AGBL1: variants seen among roughly 807,000 people sequenced by gnomAD.
AGBL1 encodes the protein cytosolic carboxypeptidase 4.
Under a neutral mutation model 118.9 loss-of-function variants are expected in AGBL1, and 130 were observed. The ratio of observed to expected loss-of-function variants is 1.09; its 90% CI spans 0.95 to 1.26. The LOEUF is 1.26. AGBL1 is among the 50% of genes most tolerant of loss of function. The pLI, the probability that AGBL1 is intolerant of heterozygous loss-of-function variation, is 0.00. For missense variants in AGBL1, 1,584 were observed against 1,298.1 expected (o/e 1.22, Z -3.38); for synonymous variants, 555 against 478.9 (o/e 1.16, Z -2.08).
rs377299738 is a variant in AGBL1, at chr15:86,986,344, C to T, written c.3222-1643C>T. Among the ~76,000 whole-genome samples the T allele has an allele frequency of 7.2e-5, 11 of 152,244 alleles. 1 individual carries two copies. The highest frequency in any genetic ancestry group is 2.6e-4 in the African/African-American group (11 of 41,538). ...CATGTGGGTATTTATTTCTGGACTC[C>T]TAGCTTGTTACAACTATATACATAT... On this transcript the variant is annotated intron_variant, in intron 23 of 24. Transcript: ENST00000441037.
intron 22 of AGBL1, among the ~76,000 whole-genome samples, chr15:86,784,414 C>A (rs930626840): frequency 1.3e-5 from 2 of 152,122 alleles, no homozygotes; most frequent in Admixed American, 6.5e-5. Flanking sequence ...AGAGCATATT[C>A]TCTGCCCCAC....
intron 22 of AGBL1, among the ~76,000 whole-genome samples, chr15:86,686,129 C>A (rs901701169): frequency 6.6e-6 from 1 of 152,330 alleles, no homozygotes; most frequent in East Asian, 1.9e-4. Context: ...CTCCTCCCCA[C>A]TCTCAGCAAA....
At chr15:86,585,007 A>G (rs1399657379) in intron 21 of AGBL1, among the ~76,000 whole-genome samples, 1 of 152,178 alleles carries the variant, frequency 6.6e-6, no homozygotes, top group Non-Finnish European at 1.5e-5. Flanking sequence ...TTGTATAGAA[A>G]TGCTACTGAT....
intron 17 of AGBL1, chr15:86,304,871 G>A (rs1284117670): frequency 1.3e-5 from 2 of 152,138 alleles, no homozygotes; most frequent in African/African-American, 4.8e-5. Flanking sequence ...TAAAGGTAGG[G>A]GAATAGCCCT....
At chr15:86,338,575 G>A (rs935038574) in intron 17 of AGBL1, among the ~76,000 whole-genome samples, 2 of 152,182 alleles carry the variant, frequency 1.3e-5, no homozygotes, top group Non-Finnish European at 2.9e-5. Flanking sequence ...AAGCATAGTG[G>A]TAACTTTGAA....
At chr15:86,112,132 A>C (rs1897427740) in intron 1 of AGBL1, among the ~76,000 whole-genome samples, 1 of 151,910 alleles carries the variant, frequency 6.6e-6, no homozygotes, top group African/African-American at 2.4e-5. Context: ...ATATTATAAT[A>C]TAATAATAGA....
chr15:86,264,008 G>T (rs186716195), intron 10 of AGBL1, among the ~76,000 whole-genome samples: 4 of 152,264 alleles, frequency 2.6e-5, no homozygotes, highest in Admixed American at 2.0e-4. Flanking sequence ...TTAGTAGGGG[G>T]TCTTGAAGAC....
intron 22 of AGBL1, among the ~76,000 whole-genome samples, chr15:86,772,828 A>G (rs1197062066): frequency 1.3e-5 from 2 of 152,114 alleles, no homozygotes; most frequent in African/African-American, 4.8e-5. Context: ...GAAATTGAGC[A>G]ACATGCATGC....
chr15:86,542,267 A>G (rs1285862096), intron 19 of AGBL1, among the ~76,000 whole-genome samples: 2 of 152,114 alleles, frequency 1.3e-5, no homozygotes, highest in Non-Finnish European at 2.9e-5. Context: ...CCATGAAGCA[A>G]TGAGAAATAC....
chr15:86,691,853 G>A (rs1053631080), intron 22 of AGBL1, among the ~76,000 whole-genome samples: 3 of 152,132 alleles, frequency 2.0e-5, no homozygotes, highest in African/African-American at 7.2e-5. Flanking sequence ...GGGACTGCAT[G>A]TGGATAAAAT....
chr15:86,194,231 A>C (rs1051656627), intron 5 of AGBL1, among the ~76,000 whole-genome samples: 13 of 151,840 alleles, frequency 8.6e-5, no homozygotes, highest in African/African-American at 3.1e-4. Context: ...TTTTTCAAAA[A>C]CCTCTCTCCT....
At chr15:86,472,560 T>C (rs1424126210) in intron 18 of AGBL1, among the ~76,000 whole-genome samples, 6 of 152,214 alleles carry the variant, frequency 3.9e-5, no homozygotes, top group Non-Finnish European at 8.8e-5. Context: ...TGTTCTTTAA[T>C]CTGACTATAA....
At chr15:86,971,270 C>A (rs544029950) in intron 23 of AGBL1, among the ~76,000 whole-genome samples, 2 of 151,978 alleles carry the variant, frequency 1.3e-5, no homozygotes, top group Non-Finnish European at 2.9e-5. Context: ...ATCTTCAAAC[C>A]TGAGAGAAGT....
intron 5 of AGBL1, among the ~76,000 whole-genome samples, chr15:86,221,005 G>A (rs911339063): frequency 6.6e-6 from 1 of 151,996 alleles, no homozygotes; most frequent in African/African-American, 2.4e-5. Context: ...TTTGAGACCA[G>A]CCTAGCCAAC....
At chr15:87,020,729 G>A (rs2141802087) in intron 24 of AGBL1, among the ~76,000 whole-genome samples, 2 of 152,102 alleles carry the variant, frequency 1.3e-5, no homozygotes, top group East Asian at 3.9e-4. Flanking sequence ...GTCAAATCAT[G>A]AATGAATTCT....
chr15:86,784,522 T>C (rs953568943), intron 22 of AGBL1, among the ~76,000 whole-genome samples: 1 of 152,210 alleles, frequency 6.6e-6, no homozygotes, highest in Non-Finnish European at 1.5e-5. Flanking sequence ...TTATTTGCCC[T>C]TGGGTTCATG....
chr15:86,481,216 A>T (rs1297519817), intron 18 of AGBL1, among the ~76,000 whole-genome samples: 1 of 151,584 alleles, frequency 6.6e-6, no homozygotes, highest in Non-Finnish European at 1.5e-5. Flanking sequence ...GGCAATAAGG[A>T]TATTGAGTAC....
intron 21 of AGBL1, among the ~76,000 whole-genome samples, chr15:86,624,240 G>T (rs1247130144): frequency 6.6e-6 from 1 of 152,130 alleles, no homozygotes; most frequent in East Asian, 1.9e-4. Flanking sequence ...CTCATTATTG[G>T]GAAGTCACAA....
At chr15:86,474,473 C>T (rs1345429056) in intron 18 of AGBL1, among the ~76,000 whole-genome samples, 3 of 152,234 alleles carry the variant, frequency 2.0e-5, no homozygotes, top group Non-Finnish European at 4.4e-5. Context: ...GAGCCTCACT[C>T]ATTGCCAGCA....
Sources: gnomAD v4.1 joint callset for allele counts (sites outside exome capture counted in the v4.1 genomes callset) on GRCh38, gnomAD v4.1.1 for gene constraint, MANE v1.5 for transcripts, NCBI Gene and HGNC (gene_info 2026-07-23, HGNC 2026-07-21) for gene names.